CROCC2: variants seen among roughly 807,000 people sequenced by gnomAD.
CROCC2 encodes ciliary rootlet coiled-coil, rootletin family member 2, also known as ciliary rootlet coiled-coil protein 2.
A neutral mutation model predicts 177.6 loss-of-function variants in CROCC2; 163 were observed. That is an observed-to-expected ratio of 0.92 (90% CI 0.81 to 1.05). The LOEUF is 1.05. CROCC2 is among the 50% of genes least tolerant of loss of function. The pLI, the probability that CROCC2 is intolerant of heterozygous loss-of-function variation, is 0.00. For synonymous variants in CROCC2, 904 were observed against 787.3 expected (o/e 1.15, Z -2.48); for missense variants, 1,929 against 1,797.8 (o/e 1.07, Z -1.32).
intron 1 of CROCC2, among the ~76,000 whole-genome samples, chr2:240,910,244 G>A (rs897218958): frequency 1.3e-5 from 2 of 152,108 alleles, no homozygotes; most frequent in Admixed American, 1.3e-4. Flanking sequence ...CTTGAGGGGT[G>A]GGGGTGTGCC....
chr2:240,975,873 G>A (rs1185911635), intron 27 of CROCC2, among the ~76,000 whole-genome samples: 1 of 151,920 alleles, frequency 6.6e-6, no homozygotes, highest in Non-Finnish European at 1.5e-5. Context: ...GAGATTACAG[G>A]CGCCCGCCAC....
chr2:240,918,887 G>A lies in CROCC2; in HGVS notation c.229+11G>A. ...AGGAGCCACCCCAAGGTGATGGTGT[G>A]GGGGACAGTCCTGGGCCCGGGGCTG... On this transcript the variant is annotated intron_variant, in intron 2 of 31. Coordinates refer to ENST00000690015, the MANE Select transcript of CROCC2 (RefSeq NM_001351305.2). This position sits in a 1 kb window ranked among gnomAD's most constrained non-coding sequence, Gnocchi z 6.3. 1 of 682,836 alleles carries A rather than the reference G, an allele frequency of 1.5e-6. No homozygotes were observed. Among genetic ancestry groups the A allele is most frequent in the Non-Finnish European group, 2.7e-6 (1 of 369,436 alleles). 42.3% of individuals were successfully genotyped at this position (682,836 alleles called of 1,614,324 possible).
Position 240,946,109 on chromosome 2 carries a change from A to G in CROCC2, c.2219A>G (p.Gln740Arg), listed in dbSNP as rs1484563694. The change falls in exon 15 of 32, where the codon CAG (glutamine) becomes CGG (arginine). Residue 740 changes from glutamine to arginine, a missense_variant. Gln to Arg is a conservative substitution (Grantham distance 43, BLOSUM62 1). This residue lies in a region of CROCC2 where 1,397 missense variants were observed against 1,239.9 expected (regional missense o/e 1.13). Transcript: ENST00000690015. ...GAGGAGCAGCTGGCTCAGAGCCTGC[A>G]GGACCAGGAGGCCCAGATGGGCACT... ...ALEEQLAQSL[Q>R]DQEAQMGTLQ... The G allele has an allele frequency of 1.3e-6, 2 of 1,538,226 alleles. No homozygotes were observed. Among genetic ancestry groups the G allele is most frequent in the South Asian group, 1.2e-5 (1 of 83,474 alleles).
At chr2:240,944,379 C>G (rs1278269757) in intron 14 of CROCC2, among the ~76,000 whole-genome samples, 1 of 152,112 alleles carries the variant, frequency 6.6e-6, no homozygotes, top group Non-Finnish European at 1.5e-5. Context: ...ACATTCTTGG[C>G]CTGTATCTGT....
chr2:240,964,190 G>C, intron 21 of CROCC2: 2 of 560,806 alleles, frequency 3.6e-6, no homozygotes, highest in South Asian at 2.1e-5. Flanking sequence ...GATGTTGAGC[G>C]TCCGGGAGTG....
rs890460287 is a variant in CROCC2 at position 240,965,744 on chromosome 2, C to G, written c.3712C>G (p.Arg1238Gly). Residue 1238 changes from arginine to glycine, a missense_variant, in exon 24 of 32, where the codon CGA becomes GGA. Physicochemically the swap from Arg to Gly is moderately radical, Grantham distance 125. Around this residue, in one of 3 missense-constraint regions of CROCC2, gnomAD observed 144 missense variants for 205.2 expected, o/e 0.70. Coordinates refer to ENST00000690015, the MANE Select transcript of CROCC2 (RefSeq NM_001351305.2). ...RESRGAEQTL[R>G]AELHSVTRKL... is the part of the protein sequence containing the mutation. Reference sequence around the variant, plus strand: ...GAGCCGGGGGGCTGAGCAGACCCTCCGAGCAGAGCTGCACAGTGTCACCAG... The same window carrying G: ...GAGCCGGGGGGCTGAGCAGACCCTCGGAGCAGAGCTGCACAGTGTCACCAG... 6 of 1,537,820 alleles carry G rather than the reference C, an allele frequency of 3.9e-6. No homozygotes were observed. The highest frequency in any genetic ancestry group is 3.7e-5 in the South Asian group (3 of 81,102).
Position 240,931,103 on chromosome 2 carries a change from G to T in CROCC2, c.922G>T (p.Ala308Ser). ...GCTGCAGCTGCAGGGCCGCTGGGAC[G>T]CAGAGAAGGTGGCGCTCCAGGCCAG... The part of the protein sequence containing the change: ...EMLQLQGRWD[A>S]EKVALQARLS... The change falls in exon 7 of 32, where the codon GCA becomes TCA. Residue 308 changes from alanine (A) to serine (S), a missense_variant. Physicochemically the swap from Ala to Ser is moderately conservative, Grantham distance 99. Coordinates refer to ENST00000690015, the MANE Select transcript of CROCC2 (RefSeq NM_001351305.2). 1 of 714,632 alleles carries T rather than the reference G, an allele frequency of 1.4e-6. No individual in the cohort carries two copies. Among genetic ancestry groups the T allele is most frequent in the Non-Finnish European group, 2.6e-6 (1 of 383,592 alleles). 44.3% of individuals were successfully genotyped at this position (714,632 alleles called of 1,614,324 possible).
chr2:240,924,346 CA>C (rs1432437496), intron 4 of CROCC2, among the ~76,000 whole-genome samples: 7 of 2,450 alleles, frequency 2.9e-3, no homozygotes, highest in Admixed American at 4.2e-3. Context: ...ACCCAGCCCC[CA>C]ACACTAACCC....
chr2:240,935,288 TG>T lies in CROCC2; in HGVS notation c.1939-66del, dbSNP rs2059461150. On this transcript the variant is annotated intron_variant, in intron 13 of 31. Transcript: ENST00000690015. ...GAAGACAGTGCCCCGGGGCAGGCCTTGGGGATGGCTGGCCTACAGGGACCGA... is the reference window on the plus strand; with the variant it reads ...GAAGACAGTGCCCCGGGGCAGGCCTTGGGATGGCTGGCCTACAGGGACCGA... 3 of 1,288,202 alleles carry T rather than the reference TG, an allele frequency of 2.3e-6. No homozygotes were observed. The East Asian group carries it at 9.2e-5, about 39-fold the overall frequency. The allele number at this position is 1,288,202 out of a possible 1,614,324, so 79.8% of individuals were successfully genotyped here. A position where few individuals can be genotyped will look rare whatever the true frequency, so the allele number is the denominator to read the frequency against.
chr2:240,932,855 C>G lies in CROCC2; in HGVS notation c.1198C>G (p.Pro400Ala), dbSNP rs750475416. The change falls in exon 9 of 32, where the codon CCC becomes GCC. Residue 400 changes from proline (P) to alanine (A), a missense_variant. Physicochemically the swap from Pro to Ala is conservative, Grantham distance 27. Around this residue, in one of 3 missense-constraint regions of CROCC2, gnomAD observed 1,397 missense variants for 1,239.9 expected, o/e 1.13. Coordinates refer to ENST00000690015, the MANE Select transcript of CROCC2 (RefSeq NM_001351305.2). ...PHICSPATLD[P>A]ALQAMRAAIE... is the part of the protein sequence containing the mutation. ...CATCTGCTCCCCAGCCACCCTGGAC[C>G]CCGCACTGCAGGCCATGCGGGCAGC... 6.5e-7 allele frequency: 1 copy of G among 1,546,216 alleles called. No individual in the cohort carries two copies. The highest frequency in any genetic ancestry group is 1.2e-5 in the South Asian group (1 of 83,406).
intron 2 of CROCC2, 93 bp from the exon 3 acceptor site, chr2:240,919,890 G>T: frequency 1.7e-6 from 1 of 591,410 alleles, no homozygotes. Context: ...GAGCCTGGTG[G>T]CCAGCCCAGG....
intron 14 of CROCC2, among the ~76,000 whole-genome samples, chr2:240,944,558 C>A (rs1049104699): frequency 3.3e-5 from 5 of 151,924 alleles, no homozygotes; most frequent in Admixed American, 2.0e-4. Context: ...GGTTATTAGT[C>A]CTTTCTTTTA....
chr2:240,914,498 A>G lies in CROCC2; in HGVS notation c.79-4228A>G, dbSNP rs548923652. On this transcript the variant is annotated intron_variant, in intron 1 of 31. Transcript: ENST00000690015. The stretch of plus-strand genomic sequence containing the variant: ...AACCCCCAGCCCCAGCCTCCGTTCT[A>G]CAAGAGCAGGACCTGGCAGCCCCCT... Among the ~76,000 whole-genome samples the G allele has an allele frequency of 1.3e-3, 195 of 152,318 alleles. 1 individual carries two copies. The highest frequency in any genetic ancestry group is 3.7e-3 in the Admixed American group (56 of 15,306).
chr2:240,949,424 G>T lies in CROCC2; in HGVS notation c.2483-109G>T. On this transcript the variant is annotated intron_variant, in intron 16 of 31. Coordinates refer to ENST00000690015, the MANE Select transcript of CROCC2 (RefSeq NM_001351305.2). This position sits in a 1 kb window ranked among gnomAD's most constrained non-coding sequence, Gnocchi z 4.5. ...CATGTGCTGGCCACCCACTCCCGGA[G>T]CCTGGAGTGGACAGTGCTTGCCCCC... The T allele has an allele frequency of 3.0e-6, 4 of 1,332,268 alleles. No homozygotes were observed. Among genetic ancestry groups the T allele is most frequent in the Non-Finnish European group, 4.1e-6 (4 of 973,032 alleles). The allele number at this position is 1,332,268 out of a possible 1,614,324, so 82.5% of individuals were successfully genotyped here.
chr2:240,930,222 C>T lies in CROCC2; in HGVS notation c.702C>T (p.Ala234=), dbSNP rs1170673220. 8 of 597,320 alleles carry T rather than the reference C, an allele frequency of 1.3e-5. 1 individual carries two copies. Among genetic ancestry groups the T allele is most frequent in the East Asian group, 9.1e-5 (3 of 32,934 alleles). 37.0% of individuals were successfully genotyped at this position (597,320 alleles called of 1,614,324 possible). A position where few individuals can be genotyped will look rare whatever the true frequency, so the allele number is the denominator to read the frequency against. The change falls in exon 6 of 32, where the codon GCC becomes GCT. Residue 234 remains alanine, a synonymous_variant. Transcript: ENST00000690015. ...ACCTCCTCCTCCTGTGGAGACAGGCCGTGGTGCTGGGGACAGACCTGGCCG... is the reference window on the plus strand; with the variant it reads ...ACCTCCTCCTCCTGTGGAGACAGGCTGTGGTGCTGGGGACAGACCTGGCCG... The part of the protein sequence containing the change: ...PRDLLLLWRQ[A]VVLGTDLAEL...
chr2:240,916,454 C>G (rs1182066272), intron 1 of CROCC2, among the ~76,000 whole-genome samples: 2 of 74,724 alleles, frequency 2.7e-5, no homozygotes, highest in African/African-American at 5.5e-5. Flanking sequence ...CCCCCGCCCC[C>G]CCCATGCGCT....
At chr2:240,919,576 T>A (rs1237113385) in intron 2 of CROCC2, among the ~76,000 whole-genome samples, 2 of 152,116 alleles carry the variant, frequency 1.3e-5, no homozygotes, top group Non-Finnish European at 2.9e-5. Context: ...CCCGGGGAAC[T>A]GGCTGTGTGT....
intron 14 of CROCC2, among the ~76,000 whole-genome samples, chr2:240,938,887 T>C (rs145241231): frequency 6.6e-6 from 1 of 152,330 alleles, no homozygotes; most frequent in Non-Finnish European, 1.5e-5. Flanking sequence ...TATGTTTATT[T>C]TGAGTCATGT....
intron 1 of CROCC2, among the ~76,000 whole-genome samples, chr2:240,910,910 C>T (rs1210559617): frequency 6.6e-5 from 10 of 152,048 alleles, no homozygotes; most frequent in East Asian, 1.9e-4. Context: ...GCGGGCGGAT[C>T]GCTTGAGGTC....
Sources: gnomAD v4.1 joint callset for allele counts (sites outside exome capture counted in the v4.1 genomes callset) on GRCh38, gnomAD v4.1.1 for gene constraint, gnomAD v4.1.1 regional missense constraint, Gnocchi (gnomAD v3.1) non-coding constraint, MANE v1.5 for transcripts, NCBI Gene and HGNC (gene_info 2026-07-23, HGNC 2026-07-21) for gene names.